PREX1: variants seen among roughly 807,000 people sequenced by gnomAD.
PREX1 encodes phosphatidylinositol 3,4,5-trisphosphate-dependent Rac exchanger 1 protein.
A neutral mutation model predicts 198.3 loss-of-function variants in PREX1; 41 were observed. The ratio of observed to expected loss-of-function variants is 0.21; its 90% CI spans 0.16 to 0.27. The LOEUF is 0.27. Among genes scored for constraint, PREX1 ranks in the 10% least tolerant of loss-of-function variants. The probability of loss-of-function intolerance (pLI) is 1.00; values close to 1 mark genes in which losing one functional copy is unlikely to be tolerated. For synonymous variants in PREX1, 843 were observed against 887.2 expected, an observed-to-expected ratio of 0.95 and a Z score of 0.89; for missense variants, 1,620 against 2,200.7, an observed-to-expected ratio of 0.74 and a Z score of 5.28.
At chr20:48,790,997 G>A (rs986057134) in intron 1 of PREX1, among the ~76,000 whole-genome samples, 66 of 152,100 alleles carry the variant, frequency 4.3e-4, no homozygotes, top group Middle Eastern at 3.4e-3. Flanking sequence ...ATCACCACCC[G>A]GGAACCCCAA....
rs530671259 is a variant in PREX1 at position 48,632,463 on chromosome 20, C to T, written c.4411+33G>A. ...TGCTTGGTGGCCTTGGCCCGGCCCC[C>T]GTGGTCCTCCCTGCCCCAGGCCTGA... On this transcript the variant is annotated intron_variant, in intron 34 of 39. Transcript: ENST00000371941. 20 of 1,613,560 alleles carry T rather than the reference C, an allele frequency of 1.2e-5. No individual in the cohort carries two copies. The East Asian group carries it at 2.5e-4, about 20-fold the overall frequency.
intron 27 of PREX1, among the ~76,000 whole-genome samples, chr20:48,644,040 AC>A (rs1327665948): frequency 6.6e-6 from 1 of 152,182 alleles, no homozygotes; most frequent in Admixed American, 6.5e-5. Flanking sequence ...TATCATTTTT[AC>A]ATAAACCATG....
At chr20:48,631,665 G>A (rs1057080829) in intron 35 of PREX1, among the ~76,000 whole-genome samples, 1 of 152,154 alleles carries the variant, frequency 6.6e-6, no homozygotes, top group African/African-American at 2.4e-5. Context: ...GCCCAGACCC[G>A]TACTCATCTC....
chr20:48,646,675 C>CA (rs552888256), intron 25 of PREX1, among the ~76,000 whole-genome samples: 4,716 of 82,192 alleles, frequency 0.057, 236 homozygotes, highest in African/African-American at 0.19. Flanking sequence ...GAACCCATCT[C>CA]AAAAAAAAAA....
In PREX1 at chr20:48,708,145, A is replaced by G; in HGVS notation, c.783+115T>C. 3 of 1,151,114 alleles carry G rather than the reference A, an allele frequency of 2.6e-6. No individual in the cohort carries two copies. In the South Asian group the frequency reaches 4.6e-5, roughly 18 times the overall value. 71.3% of individuals were successfully genotyped at this position (1,151,114 alleles called of 1,614,324 possible). A position where few individuals can be genotyped will look rare whatever the true frequency, so the allele number is the denominator to read the frequency against. Reference sequence around the variant, plus strand: ...TTAAGCAATCTTTTGCAAACACTGTAGGCCAAACAAAATACATTGCAGACT... The same window carrying G: ...TTAAGCAATCTTTTGCAAACACTGTGGGCCAAACAAAATACATTGCAGACT... On this transcript the variant is annotated intron_variant, in intron 6 of 39. Coordinates refer to ENST00000371941, the MANE Select transcript of PREX1 (RefSeq NM_020820.4).
chr20:48,710,977 C>T (rs1174817964), intron 5 of PREX1, among the ~76,000 whole-genome samples: 1 of 152,218 alleles, frequency 6.6e-6, no homozygotes, highest in Non-Finnish European at 1.5e-5. Context: ...TGGGTTTCCT[C>T]CCAAGAGCCA....
the PREX1 span, among the ~76,000 whole-genome samples, chr20:48,862,145 GT>G: frequency 6.6e-6 from 1 of 152,046 alleles, no homozygotes; most frequent in African/African-American, 2.4e-5. Context: ...AGGAGGCGAG[GT>G]TCCAGTGAGC....
chr20:48,703,872 T>C (rs1891643116), intron 6 of PREX1, among the ~76,000 whole-genome samples: 1 of 152,170 alleles, frequency 6.6e-6, no homozygotes, highest in South Asian at 2.1e-4. Flanking sequence ...TTGATCTCCC[T>C]GAAATCCTTG....
chr20:48,650,606 C>T (rs6066807), intron 23 of PREX1, among the ~76,000 whole-genome samples: 11,508 of 152,292 alleles, frequency 0.076, 455 homozygotes, highest in South Asian at 0.13. Context: ...TTCTCCTGGG[C>T]TTGCTGAGGC....
At chr20:48,740,954 A>G (rs1367112567) in intron 3 of PREX1, among the ~76,000 whole-genome samples, 1 of 152,156 alleles carries the variant, frequency 6.6e-6, no homozygotes, top group East Asian at 1.9e-4. Flanking sequence ...TCTATTTTCA[A>G]TGATGATGCA....
intron 1 of PREX1, among the ~76,000 whole-genome samples, chr20:48,820,970 C>T (rs914232754): frequency 6.6e-5 from 10 of 152,090 alleles, no homozygotes; most frequent in Non-Finnish European, 1.0e-4. Context: ...GAGGCCAAGG[C>T]GGGCAGAACA....
At chr20:48,780,065 A>G (rs2090281360) in intron 1 of PREX1, among the ~76,000 whole-genome samples, 1 of 152,232 alleles carries the variant, frequency 6.6e-6, no homozygotes, top group Non-Finnish European at 1.5e-5. Context: ...CAGTATGGAC[A>G]CTGGGTTTTT....
intron 11 of PREX1, 53 bp downstream of exon 11, chr20:48,681,182 G>T: frequency 6.9e-7 from 1 of 1,452,820 alleles, no homozygotes. Flanking sequence ...GGCACAGTTG[G>T]GGTCTGACCT....
the PREX1 span, among the ~76,000 whole-genome samples, chr20:48,877,203 G>A: frequency 6.6e-6 from 1 of 151,898 alleles, no homozygotes; most frequent in Admixed American, 6.6e-5. Flanking sequence ...CCCAGAAGGT[G>A]GAGGTTGCAG....
At chr20:48,872,961 A>AT in the PREX1 span, among the ~76,000 whole-genome samples, 1 of 151,844 alleles carries the variant, frequency 6.6e-6, no homozygotes, top group Non-Finnish European at 1.5e-5. Flanking sequence ...TTTCTGTTTA[A>AT]TTTTTTTTCT....
intron 1 of PREX1, among the ~76,000 whole-genome samples, chr20:48,769,528 T>A (rs186541821): frequency 3.5e-4 from 54 of 152,272 alleles, no homozygotes; most frequent in Admixed American, 5.9e-4. Flanking sequence ...GAGGCTGCGC[T>A]ATCAGAATGA....
intron 5 of PREX1, among the ~76,000 whole-genome samples, chr20:48,722,426 T>C (rs1300384976): frequency 6.6e-6 from 1 of 152,112 alleles, no homozygotes; most frequent in African/African-American, 2.4e-5. Flanking sequence ...AGGCAGAAAG[T>C]AGACAAGTGG....
At chr20:48,747,123 C>T (rs2090112321) in intron 2 of PREX1, among the ~76,000 whole-genome samples, 2 of 151,370 alleles carry the variant, frequency 1.3e-5, no homozygotes, top group Non-Finnish European at 3.0e-5. Context: ...GCAAGGCCAC[C>T]GTCCAGATTA....
chr20:48,646,074 C>T lies in PREX1; in HGVS notation c.3306-17G>A. ...GACAGCAGCCTACGGAAGCAAAGAC[C>T]TTGAAGTCAAAGATACAGGCCTGGC... On this transcript the variant is annotated splice_polypyrimidine_tract_variant and intron_variant, in intron 25 of 39. Coordinates refer to ENST00000371941, the MANE Select transcript of PREX1 (RefSeq NM_020820.4). 1 of 1,610,836 alleles carries T rather than the reference C, an allele frequency of 6.2e-7. No homozygotes were observed.
Sources: gnomAD v4.1 joint callset for allele counts (sites outside exome capture counted in the v4.1 genomes callset) on GRCh38, gnomAD v4.1.1 for gene constraint, MANE v1.5 for transcripts, NCBI Gene and HGNC (gene_info 2026-07-23, HGNC 2026-07-21) for gene names.